The following RIMS1 variants were observed in gnomAD, a reference collection of about 807,000 sequenced individuals.
RIMS1 encodes the protein regulating synaptic membrane exocytosis 1, also known as regulating synaptic membrane exocytosis protein 1.
RIMS1 carries 83 observed loss-of-function variants against 214.1 expected under a neutral mutation model. That is an observed-to-expected ratio of 0.39 (90% CI 0.32 to 0.47). The LOEUF (loss-of-function observed/expected upper bound fraction) is 0.47, where lower values mean the gene tolerates loss of function less well. RIMS1 is among the 20% of genes least tolerant of loss of function. RIMS1 has a pLI of 0.99. For synonymous variants in RIMS1, 793 were observed against 786.8 expected (o/e 1.01, Z -0.13); for missense variants, 2,050 against 2,161.8 (o/e 0.95, Z 1.03).
chr6:72,295,413 C>T (rs529141188), intron 26 of RIMS1, among the ~76,000 whole-genome samples: 24 of 151,526 alleles, frequency 1.6e-4, no homozygotes, highest in African/African-American at 3.9e-4. Context: ...GAATAGTTTC[C>T]GTGGTGCAAA....
intron 1 of RIMS1, among the ~76,000 whole-genome samples, chr6:71,892,069 G>A (rs1001021569): frequency 1.3e-5 from 2 of 152,154 alleles, no homozygotes; most frequent in African/African-American, 4.8e-5. Context: ...AGTTGGTCCT[G>A]AGAGTCAAAG....
chr6:72,196,594 T>TTTTTTTTTTTTTTTTTTTTTTTTTTTTC lies in RIMS1; in HGVS notation c.1678+13454_1678+13455insTTTTTTTTTTTTTTTTTTCTTTTTTTTT. Among the ~76,000 whole-genome samples the TTTTTTTTTTTTTTTTTTTTTTTTTTTTC allele has an allele frequency of 1.5e-5, 2 of 131,944 alleles. 1 individual carries two copies. Among genetic ancestry groups the TTTTTTTTTTTTTTTTTTTTTTTTTTTTC allele is most frequent in the Non-Finnish European group, 3.3e-5 (2 of 59,792 alleles). 86.6% of individuals were successfully genotyped at this position (131,944 alleles called of 152,430 possible). ...AGCCAGCTGCACTTTTTTTTTTTTT[T>TTTTTTTTTTTTTTTTTTTTTTTTTTTTC]TTTTTTTTTACCTATACAGGAAATG... On this transcript the variant is annotated intron_variant, in intron 6 of 33. Transcript: ENST00000521978.
chr6:72,100,004 C>A lies in RIMS1; in HGVS notation c.471+18C>A, dbSNP rs2153808082. 1 of 1,586,770 alleles carries A rather than the reference C, an allele frequency of 6.3e-7. No homozygotes were observed. Among genetic ancestry groups the A allele is most frequent in the Non-Finnish European group, 8.6e-7 (1 of 1,156,592 alleles). ...ACAAAGTGGTTAGAATCCATACTTT[C>A]TTTTCTATCATTTGTTATTGTATTG... is the stretch of plus-strand genomic sequence containing the variant. On this transcript the variant is annotated intron_variant, in intron 4 of 33. Transcript: ENST00000521978.
intron 4 of RIMS1, among the ~76,000 whole-genome samples, chr6:72,127,028 C>A (rs1291918286): frequency 1.3e-5 from 2 of 152,140 alleles, no homozygotes; most frequent in African/African-American, 2.4e-5. Flanking sequence ...GAATGAAGAT[C>A]CAAAGTTCCT....
At chr6:72,025,655 A>G (rs1427040585) in intron 2 of RIMS1, among the ~76,000 whole-genome samples, 1 of 152,244 alleles carries the variant, frequency 6.6e-6, no homozygotes, top group South Asian at 2.1e-4. Flanking sequence ...TTTTTGTACT[A>G]GTTATCTATT....
chr6:71,902,256 A>C (rs1255388665), intron 1 of RIMS1, among the ~76,000 whole-genome samples: 4 of 151,968 alleles, frequency 2.6e-5, no homozygotes, highest in Admixed American at 1.3e-4. Flanking sequence ...GGGGAGTTTG[A>C]GATTTGAGGA....
At chr6:72,197,976 T>C (rs1340371665) in intron 6 of RIMS1, among the ~76,000 whole-genome samples, 2 of 152,140 alleles carry the variant, frequency 1.3e-5, no homozygotes, top group African/African-American at 4.8e-5. Context: ...ACTGCCTTTA[T>C]AGTTCTCATC....
At chr6:72,040,904 T>C (rs887985264) in intron 2 of RIMS1, among the ~76,000 whole-genome samples, 5 of 151,904 alleles carry the variant, frequency 3.3e-5, no homozygotes, top group Non-Finnish European at 5.9e-5. Flanking sequence ...TAAAAAATAT[T>C]TGGTGTGTCC....
At chr6:72,316,141 A>T (rs1313769971) in intron 28 of RIMS1, among the ~76,000 whole-genome samples, 1 of 152,120 alleles carries the variant, frequency 6.6e-6, no homozygotes, top group African/African-American at 2.4e-5. Context: ...CACCACCATG[A>T]CCATGTAGGG....
At chr6:72,167,940 C>T (rs906513479) in intron 4 of RIMS1, among the ~76,000 whole-genome samples, 1 of 150,776 alleles carries the variant, frequency 6.6e-6, no homozygotes, top group African/African-American at 2.4e-5. Context: ...TATTTTCACT[C>T]TAATATTTAT....
chr6:72,354,215 G>A (rs1015682498), intron 29 of RIMS1, among the ~76,000 whole-genome samples: 14 of 151,886 alleles, frequency 9.2e-5, no homozygotes, highest in Non-Finnish European at 1.8e-4. Context: ...GTGAGACTCC[G>A]TCTCAATAAA....
chr6:72,400,157 C>T (rs189411365), intron 33 of RIMS1, among the ~76,000 whole-genome samples: 13 of 152,182 alleles, frequency 8.5e-5, no homozygotes, highest in East Asian at 3.9e-4. Context: ...TCCTGTACAT[C>T]GCTAATTAGA....
intron 6 of RIMS1, among the ~76,000 whole-genome samples, chr6:72,228,569 G>A (rs2060978011): frequency 6.6e-6 from 1 of 151,774 alleles, no homozygotes; most frequent in Non-Finnish European, 1.5e-5. Context: ...TTATTCATTT[G>A]TCAGTGAACA....
chr6:72,398,820 A>C (rs896945115), intron 32 of RIMS1, 135 bp from the exon 33 acceptor site: 2 of 570,392 alleles, frequency 3.5e-6, no homozygotes, highest in South Asian at 6.0e-5. Flanking sequence ...GGAGCAATGG[A>C]AATTTTAAGT....
intron 6 of RIMS1, among the ~76,000 whole-genome samples, chr6:72,188,071 G>T (rs1435585502): frequency 6.6e-6 from 1 of 152,170 alleles, no homozygotes; most frequent in Non-Finnish European, 1.5e-5. Context: ...ATGTTCTTCT[G>T]CCTGCTTTTA....
At chr6:72,302,668 C>G (rs914898531) in intron 26 of RIMS1, among the ~76,000 whole-genome samples, 4 of 151,540 alleles carry the variant, frequency 2.6e-5, no homozygotes, top group African/African-American at 9.7e-5. Flanking sequence ...TGTTGCTATA[C>G]AACAAGGAAG....
chr6:72,181,996 G>C (rs1383690991), intron 5 of RIMS1, among the ~76,000 whole-genome samples: 1 of 152,122 alleles, frequency 6.6e-6, no homozygotes, highest in Admixed American at 6.5e-5. Context: ...AAAGTAAATT[G>C]ATTCAATGTA....
chr6:72,333,811 A>T lies in RIMS1; in HGVS notation c.4342A>T (p.Ser1448Cys). Residue 1448 changes from serine (S) to cysteine (C), a missense_variant, in exon 29 of 34, where the codon AGC (serine) becomes TGC (cysteine). Ser to Cys is a moderately radical substitution (Grantham distance 112). This residue lies in a region of RIMS1 where 889 missense variants were observed against 885.5 expected (regional missense o/e 1.00). Transcript: ENST00000521978. The stretch of plus-strand genomic sequence containing the variant: ...TGCCATAGTGTCTCGAAGGAGTAGA[A>T]GCACATCCCAGCTTAGTCAAACAGG... Reference protein sequence around the residue: ...VVAIVSRRSRSTSQLSQTESG... With the variant: ...VVAIVSRRSRCTSQLSQTESG... The T allele has an allele frequency of 6.3e-7, 1 of 1,586,118 alleles. No individual in the cohort carries two copies. Among genetic ancestry groups the T allele is most frequent in the Non-Finnish European group, 8.6e-7 (1 of 1,165,806 alleles).
intron 2 of RIMS1, among the ~76,000 whole-genome samples, chr6:72,088,674 A>T (rs548556315): frequency 6.6e-6 from 1 of 152,310 alleles, no homozygotes; most frequent in South Asian, 2.1e-4. Flanking sequence ...ATTAGTAGGT[A>T]CTTTTCAGAC....
Sources: gnomAD v4.1 joint callset for allele counts (sites outside exome capture counted in the v4.1 genomes callset) on GRCh38, gnomAD v4.1.1 for gene constraint, gnomAD v4.1.1 regional missense constraint, MANE v1.5 for transcripts, NCBI Gene and HGNC (gene_info 2026-07-23, HGNC 2026-07-21) for gene names.